RTN4: variants seen among roughly 807,000 people sequenced by gnomAD.
The protein encoded by RTN4 is reticulon-4.
In RTN4, 32 loss-of-function variants were observed where a neutral mutation model predicts 90.4. The ratio of observed to expected loss-of-function variants is 0.35; its 90% confidence interval spans 0.27 to 0.48. RTN4 has a LOEUF of 0.48. Ranked by LOEUF, RTN4 falls within the 20% of genes least tolerant of loss-of-function variation. RTN4 has a pLI of 0.99. For missense variants in RTN4, 1,706 were observed against 1,430.2 expected, an observed-to-expected ratio of 1.19 and a Z score of -3.11; for synonymous variants, 629 against 552.5, an observed-to-expected ratio of 1.14 and a Z score of -1.94.
At chr2:55,135,703 C>G in the RTN4 span, among the ~76,000 whole-genome samples, 1 of 152,136 alleles carries the variant, frequency 6.6e-6, no homozygotes, top group Non-Finnish European at 1.5e-5. Context: ...CCGTCAACCC[C>G]AAAAAGTTTT....
intron 2 of RTN4, among the ~76,000 whole-genome samples, chr2:55,057,327 G>A (rs1399679613): frequency 6.8e-6 from 1 of 147,676 alleles, no homozygotes; most frequent in Non-Finnish European, 1.5e-5. Context: ...AGGATTCGGA[G>A]GCATAGAAGG....
At chr2:55,055,414 GAGAT>G (rs1475958818), upstream of RTN4, among the ~76,000 whole-genome samples, 2 of 152,032 alleles carry the variant, frequency 1.3e-5, no homozygotes, top group African/African-American at 4.8e-5. Flanking sequence ...ATCTTCAATG[GAGAT>G]AGATAGAAAC....
At chr2:55,036,478 T>A (rs1229091327) in intron 1 of RTN4, among the ~76,000 whole-genome samples, 1 of 151,692 alleles carries the variant, frequency 6.6e-6, no homozygotes, top group African/African-American at 2.4e-5. Flanking sequence ...GGCGTGCACC[T>A]GTAGTCCCAG....
At chr2:55,059,756 C>T (rs1668256425) in intron 2 of RTN4, among the ~76,000 whole-genome samples, 1 of 151,954 alleles carries the variant, frequency 6.6e-6, no homozygotes, top group African/African-American at 2.4e-5. Flanking sequence ...ATCGCTTGAA[C>T]CCAGGAGGTG....
At chr2:55,037,890 C>T (rs1039860824) in intron 1 of RTN4, among the ~76,000 whole-genome samples, 6 of 152,104 alleles carry the variant, frequency 3.9e-5, no homozygotes, top group Admixed American at 2.0e-4. Context: ...CTTAATTTTA[C>T]GACTTGCTAT....
At chr2:55,086,542 C>T (rs1048775998) in intron 1 of RTN4, among the ~76,000 whole-genome samples, 30 of 151,806 alleles carry the variant, frequency 2.0e-4, no homozygotes, top group African/African-American at 3.9e-4. Flanking sequence ...TGGTGGTATG[C>T]GCCTGTAGTT....
intron 1 of RTN4, among the ~76,000 whole-genome samples, chr2:55,041,043 C>T (rs952358780): frequency 2.7e-5 from 4 of 146,556 alleles, no homozygotes; most frequent in African/African-American, 1.0e-4. Context: ...GCTCCTAATA[C>T]AAGAGTACAG....
chr2:55,110,358 T>C (rs1272841369), intron 1 of RTN4, among the ~76,000 whole-genome samples: 1 of 149,140 alleles, frequency 6.7e-6, no homozygotes, highest in East Asian at 2.0e-4. Flanking sequence ...CTCTCATCAA[T>C]AGAAAGCAGC....
rs199824937 is a variant in RTN4, at chr2:55,026,328, A to G, written c.1771T>C (p.Tyr591His). 6.2e-7 allele frequency: 1 copy of G among 1,613,974 alleles called. No individual in the cohort carries two copies. Among genetic ancestry groups the G allele is most frequent in the Non-Finnish European group, 8.5e-7 (1 of 1,179,884 alleles). Residue 591 changes from tyrosine (Y) to histidine (H), a missense_variant, in exon 3 of 9, where the codon TAT (tyrosine) becomes CAT (histidine). Coordinates refer to ENST00000337526, the MANE Select transcript of RTN4 (RefSeq NM_020532.5). ...QTSEVMQESL[Y>H]PAAQLCPSFE... ...GATGGGCAAAGCTGTGCTGCAGGAT[A>G]GAGTGACTCTTGCATAACTTCTGAT...
At position 54,982,672 on chromosome 2, in the gene RTN4, C is replaced by A; in HGVS notation, c.3222-19G>T. The A allele has an allele frequency of 1.3e-6, 2 of 1,584,744 alleles. No homozygotes were observed. Among genetic ancestry groups the A allele is most frequent in the Non-Finnish European group, 1.7e-6 (2 of 1,167,996 alleles). ...ATATGCCCTAGAAAACAAAACACAT[C>A]ATAATTGTCACTAATTGGAGTGATT... On this transcript the variant is annotated intron_variant, in intron 4 of 8. Coordinates refer to ENST00000337526, the MANE Select transcript of RTN4 (RefSeq NM_020532.5).
chr2:55,074,321 G>C (rs1668563927), intron 2 of RTN4, among the ~76,000 whole-genome samples: 1 of 152,040 alleles, frequency 6.6e-6, no homozygotes, highest in Non-Finnish European at 1.5e-5. Flanking sequence ...CAGCAACATA[G>C]CAAGACCCCT....
rs181985528 is a variant in RTN4 at position 55,062,399 on chromosome 2, C to T, written c.-63+18090G>A. On this transcript the variant is annotated intron_variant, in intron 2 of 3. Coordinates refer to the RTN4 transcript ENST00000427710. The stretch of plus-strand genomic sequence containing the variant: ...CGCCCACTGGGGCTTCAGTTGTAAA[C>T]ATTCACCCCTAGACACTGCCGTGGG... Among the ~76,000 whole-genome samples, 276 of 152,302 alleles carry T rather than the reference C, an allele frequency of 1.8e-3. 1 individual carries two copies. The highest frequency in any genetic ancestry group is 3.0e-3 in the Admixed American group (46 of 15,306).
chr2:55,039,521 G>A (rs144335326), intron 1 of RTN4, among the ~76,000 whole-genome samples: 3 of 152,282 alleles, frequency 2.0e-5, no homozygotes, highest in Admixed American at 6.5e-5. Flanking sequence ...AGGCGCGCTC[G>A]CTCACACCAG....
intron 3 of RTN4, among the ~76,000 whole-genome samples, chr2:55,021,858 G>A (rs547218675): frequency 6.6e-6 from 1 of 152,210 alleles, no homozygotes; most frequent in South Asian, 2.1e-4. Context: ...TATATATTGG[G>A]TGTATCTAAA....
At chr2:55,085,236 G>A (rs1219664446) in intron 1 of RTN4, among the ~76,000 whole-genome samples, 1 of 152,108 alleles carries the variant, frequency 6.6e-6, no homozygotes, top group East Asian at 1.9e-4. Context: ...ACATCCTATT[G>A]GTTCTGTTTC....
intron 3 of RTN4, among the ~76,000 whole-genome samples, chr2:54,999,449 A>G (rs976041825): frequency 6.6e-6 from 1 of 152,122 alleles, no homozygotes; most frequent in African/African-American, 2.4e-5. Context: ...TTCAATTTTA[A>G]AAAGCTTTTG....
At chr2:54,987,442 T>C (rs2104672908) in intron 4 of RTN4, 49 bp downstream of exon 4, 1 of 1,306,622 alleles carries the variant, frequency 7.7e-7, no homozygotes, top group East Asian at 2.3e-5. Context: ...TTAATACCAA[T>C]CCTGTTTACA....
the RTN4 span, among the ~76,000 whole-genome samples, chr2:55,135,755 T>G: frequency 1.3e-5 from 2 of 152,186 alleles, no homozygotes; most frequent in African/African-American, 2.4e-5. Flanking sequence ...CCCCCATCCC[T>G]AATTACTGAT....
intron 1 of RTN4, among the ~76,000 whole-genome samples, chr2:55,030,538 T>C (rs1682226655): frequency 6.6e-6 from 1 of 152,146 alleles, no homozygotes; most frequent in African/African-American, 2.4e-5. Context: ...CTTACAACTG[T>C]AACTCTTAGC....
Sources: gnomAD v4.1 joint callset for allele counts (sites outside exome capture counted in the v4.1 genomes callset) on GRCh38, gnomAD v4.1.1 for gene constraint, MANE v1.5 for transcripts, NCBI Gene and HGNC (gene_info 2026-07-23, HGNC 2026-07-21) for gene names.